F13A1: variants seen among roughly 807,000 people sequenced by gnomAD.
The protein encoded by F13A1 is FSF, A subunit.
Under a neutral mutation model 80.1 loss-of-function variants are expected in F13A1, and 47 were observed. That is an observed-to-expected ratio of 0.59 (90% confidence interval 0.46 to 0.75). The LOEUF is 0.75. F13A1 is among the 30% of genes least tolerant of loss of function. The pLI is 0.00. For synonymous variants in F13A1, 349 were observed against 344.9 expected (o/e 1.01, Z -0.13); for missense variants, 817 against 930.4 (o/e 0.88, Z 1.59).
chr6:6,304,646 G>A (rs998098717), intron 3 of F13A1, among the ~76,000 whole-genome samples: 1 of 152,082 alleles, frequency 6.6e-6, no homozygotes, highest in African/African-American at 2.4e-5. Flanking sequence ...TGGATAACTT[G>A]AGGTTAGGAG....
intron 3 of F13A1, among the ~76,000 whole-genome samples, chr6:6,289,009 T>C (rs992976877): frequency 3.3e-5 from 5 of 152,356 alleles, no homozygotes; most frequent in East Asian, 1.9e-4. Flanking sequence ...ACTTAATCCC[T>C]GTGAACATTG....
chr6:6,152,148 G>A lies in F13A1; in HGVS notation c.1909-199C>T, dbSNP rs3818483. 1.5e-3 allele frequency among the ~76,000 whole-genome samples: 232 copies of A among 152,264 alleles called. 4 individuals are homozygous for A. In the East Asian group the frequency reaches 0.032, roughly 21 times the overall value. On this transcript the variant is annotated intron_variant, in intron 13 of 14. Transcript: ENST00000264870. The stretch of plus-strand genomic sequence containing the variant: ...AGATGGAAATTTACTAATTAGAATC[G>A]CACTCTTTTCCTCATTATAAAACCA...
intron 6 of F13A1, 54 bp from the exon 7 acceptor site, chr6:6,224,914 C>T (rs1757254114): frequency 6.2e-7 from 1 of 1,600,400 alleles, no homozygotes; most frequent in Non-Finnish European, 8.6e-7. Flanking sequence ...GGTTTGTCTA[C>T]TCCAGGCTAT....
At chr6:6,169,337 G>A (rs747318599) in intron 12 of F13A1, 1 of 153,914 alleles carries the variant, frequency 6.5e-6, no homozygotes, top group African/African-American at 2.4e-5. Context: ...TCACCTGGGA[G>A]CTTGTTACAG....
chr6:6,291,950 C>T (rs958893828), intron 3 of F13A1, among the ~76,000 whole-genome samples: 1 of 152,168 alleles, frequency 6.6e-6, no homozygotes, highest in African/African-American at 2.4e-5. Flanking sequence ...TCAATTCAAA[C>T]AGAAGCATAT....
intron 14 of F13A1, among the ~76,000 whole-genome samples, chr6:6,151,394 G>T (rs1760370902): frequency 6.6e-6 from 1 of 152,164 alleles, no homozygotes; most frequent in Admixed American, 6.5e-5. Context: ...TATCTGACAC[G>T]TGGTAGGAGC....
Position 6,318,903 on chromosome 6 carries a change from G to A in F13A1, c.-18-221C>T, listed in dbSNP as rs146511623. On this transcript the variant is annotated intron_variant, in intron 1 of 14. Transcript: ENST00000264870. ...GGATCTTGGGGAGATTTTTGTATGT[G>A]TCAAAACATATGGAAAGCAGAAGAA... Among the ~76,000 whole-genome samples the A allele has an allele frequency of 1.7e-3, 259 of 152,198 alleles. 2 individuals are homozygous for A. Among genetic ancestry groups the A allele is most frequent in the African/African-American group, 5.9e-3 (247 of 41,542 alleles).
At chr6:6,227,281 C>T (rs977917437) in intron 6 of F13A1, among the ~76,000 whole-genome samples, 2 of 152,210 alleles carry the variant, frequency 1.3e-5, no homozygotes, top group Admixed American at 1.3e-4. Context: ...TATCTTCCCC[C>T]TTTAACTCTG....
chr6:6,289,691 T>C (rs917126001), intron 3 of F13A1, among the ~76,000 whole-genome samples: 3 of 152,312 alleles, frequency 2.0e-5, no homozygotes, highest in Admixed American at 6.5e-5. Flanking sequence ...CAGATCTTAA[T>C]ACTCTACCTA....
intron 10 of F13A1, among the ~76,000 whole-genome samples, chr6:6,193,346 A>G (rs1284474499): frequency 6.6e-6 from 1 of 152,220 alleles, no homozygotes; most frequent in African/African-American, 2.4e-5. Flanking sequence ...CAAGAAAGTC[A>G]GCATGCTGGG....
intron 3 of F13A1, among the ~76,000 whole-genome samples, chr6:6,268,840 C>G (rs184302418): frequency 6.6e-6 from 1 of 151,972 alleles, no homozygotes; most frequent in Non-Finnish European, 1.5e-5. Flanking sequence ...AGGCACCCAC[C>G]ACCATGCCTG....
chr6:6,298,787 C>A (rs549754656), intron 3 of F13A1, among the ~76,000 whole-genome samples: 5 of 149,588 alleles, frequency 3.3e-5, no homozygotes, highest in Middle Eastern at 3.4e-3. Context: ...TTGATCCTGT[C>A]ATTATGATGT....
chr6:6,209,323 T>TTA (rs1554100682), intron 8 of F13A1, among the ~76,000 whole-genome samples: 27 of 131,808 alleles, frequency 2.0e-4, no homozygotes, highest in African/African-American at 6.6e-4. Flanking sequence ...CAATAATAAT[T>TTA]AAAAAAAAAA....
intron 13 of F13A1, among the ~76,000 whole-genome samples, chr6:6,163,543 C>T (rs1042067298): frequency 1.3e-5 from 2 of 152,182 alleles, no homozygotes; most frequent in African/African-American, 4.8e-5. Flanking sequence ...TCTATATATC[C>T]ACATGTTCCC....
chr6:6,185,267 C>T (rs993138058), intron 10 of F13A1, among the ~76,000 whole-genome samples: 1 of 146,754 alleles, frequency 6.8e-6, no homozygotes, highest in African/African-American at 2.5e-5. Flanking sequence ...TCTCCCTATG[C>T]TATCCCTCCC....
intron 6 of F13A1, among the ~76,000 whole-genome samples, chr6:6,230,673 C>T (rs926601321): frequency 5.3e-5 from 8 of 152,162 alleles, no homozygotes; most frequent in African/African-American, 1.9e-4. Context: ...AAGCTAAGAA[C>T]CCTAACAGTG....
chr6:6,316,800 G>A (rs1758692159), intron 2 of F13A1, among the ~76,000 whole-genome samples: 1 of 152,212 alleles, frequency 6.6e-6, no homozygotes, highest in Admixed American at 6.5e-5. Context: ...ACGACAATCT[G>A]TGAAGTAGGC....
At chr6:6,293,007 G>T (rs1490568193) in intron 3 of F13A1, among the ~76,000 whole-genome samples, 1 of 152,194 alleles carries the variant, frequency 6.6e-6, no homozygotes, top group Non-Finnish European at 1.5e-5. Flanking sequence ...TGATAAGTGG[G>T]GTGGGGCATG....
intron 3 of F13A1, among the ~76,000 whole-genome samples, chr6:6,274,413 T>C (rs1237323101): frequency 6.6e-6 from 1 of 152,212 alleles, no homozygotes; most frequent in East Asian, 1.9e-4. Flanking sequence ...AAAGAAATCA[T>C]AAGGCTGTCA....
Sources: allele counts gnomAD v4.1 joint callset (sites outside exome capture counted in the v4.1 genomes callset), GRCh38; gene constraint gnomAD v4.1.1; transcripts MANE v1.5; gene names NCBI Gene and HGNC (gene_info 2026-07-23, HGNC 2026-07-21).